Variants in CRY1 observed in about 807,000 individuals in gnomAD.
The protein encoded by CRY1 is cryptochrome-1.
CRY1 carries 45 observed loss-of-function variants against 76.0 expected under a neutral mutation model. The ratio of observed to expected loss-of-function variants is 0.59; its 90% confidence interval spans 0.47 to 0.76. The LOEUF (loss-of-function observed/expected upper bound fraction) is 0.76, where lower values mean the gene tolerates loss of function less well. Among genes scored for constraint, CRY1 ranks in the 30% least tolerant of loss-of-function variants. CRY1 has a pLI of 0.00. For synonymous variants in CRY1, 248 were observed against 244.0 expected (o/e 1.02, Z -0.15); for missense variants, 587 against 716.4 (o/e 0.82, Z 2.06).
At position 106,997,404 on chromosome 12, in the gene CRY1, T is replaced by G. The variant is rs775212261; in HGVS notation, c.1493-18A>C. The G allele has an allele frequency of 6.2e-6, 10 of 1,612,382 alleles. No homozygotes were observed. In the African/African-American group the frequency reaches 1.1e-4, roughly 17 times the overall value. ...CAGAAGACCTAAAGGACAAAAAAAT[T>G]TTCTTTTAAATTATGATCAAGATAA... On this transcript the variant is annotated intron_variant, in intron 9 of 12. Transcript: ENST00000008527.
chr12:107,019,198 A>G (rs189617183), intron 2 of CRY1, among the ~76,000 whole-genome samples: 12 of 152,202 alleles, frequency 7.9e-5, no homozygotes, highest in Non-Finnish European at 1.8e-4. Context: ...CATGCTTTTA[A>G]TTGTATATCC....
At chr12:107,027,927 T>C (rs1019609765) in intron 1 of CRY1, among the ~76,000 whole-genome samples, 9 of 152,310 alleles carry the variant, frequency 5.9e-5, no homozygotes, top group South Asian at 2.1e-4. Context: ...ATTAAGAACA[T>C]GTACCATGCC....
intron 2 of CRY1, among the ~76,000 whole-genome samples, chr12:107,010,438 A>C (rs1478323313): frequency 6.6e-6 from 1 of 152,146 alleles, no homozygotes; most frequent in Non-Finnish European, 1.5e-5. Flanking sequence ...CACTTCTCAG[A>C]TATTGTGCAT....
intron 10 of CRY1, among the ~76,000 whole-genome samples, chr12:106,993,829 A>T (rs983152642): frequency 6.6e-6 from 1 of 152,166 alleles, no homozygotes; most frequent in African/African-American, 2.4e-5. Context: ...ATGAACTGAT[A>T]TTTTACAATA....
At chr12:107,014,981 G>A (rs1952484176) in intron 2 of CRY1, among the ~76,000 whole-genome samples, 1 of 152,106 alleles carries the variant, frequency 6.6e-6, no homozygotes, top group Non-Finnish European at 1.5e-5. Context: ...GGGTTCAAGT[G>A]TTTCTCCTGC....
At chr12:107,080,757 A>G (rs563296044) in intron 1 of CRY1, among the ~76,000 whole-genome samples, 4 of 152,122 alleles carry the variant, frequency 2.6e-5, no homozygotes, top group Non-Finnish European at 5.9e-5. Context: ...GAAGCCGGAC[A>G]TGCCTTAGTT....
intron 1 of CRY1, among the ~76,000 whole-genome samples, chr12:107,091,245 C>T (rs551692704): frequency 1.3e-5 from 2 of 152,170 alleles, no homozygotes; most frequent in South Asian, 4.2e-4. Flanking sequence ...AGGGTTTTGC[C>T]ACGATGGCCA....
intron 1 of CRY1, among the ~76,000 whole-genome samples, chr12:107,046,706 C>T (rs898149974): frequency 1.3e-5 from 2 of 152,006 alleles, no homozygotes; most frequent in African/African-American, 4.8e-5. Flanking sequence ...ATATTCCACA[C>T]AAACAAAAAC....
chr12:107,001,848 T>A lies in CRY1; in HGVS notation c.511A>T (p.Thr171Ser). The A allele has an allele frequency of 1.3e-6, 2 of 1,595,504 alleles. No homozygotes were observed. The highest frequency in any genetic ancestry group is 1.7e-6 in the Non-Finnish European group (2 of 1,175,806). ...GTGCACTTTTCTATCACTTCTGAAG[T>A]AATTGTCTCTACTGGTATCTCTAGT... ...EPLEIPVETI[T>S]SEVIEKCTTP... The change falls in exon 4 of 13, where the codon ACT becomes TCT. Residue 171 changes from threonine to serine, a missense_variant. Thr to Ser is a moderately conservative substitution (Grantham distance 58). Transcript: ENST00000008527.
intron 1 of CRY1, among the ~76,000 whole-genome samples, chr12:107,032,241 T>C (rs1029755615): frequency 4.6e-5 from 7 of 151,524 alleles, no homozygotes; most frequent in African/African-American, 1.4e-4. Context: ...GCCAGTACTA[T>C]GGTTTCTTAG....
chr12:107,075,632 A>C (rs1953243324), intron 1 of CRY1, among the ~76,000 whole-genome samples: 1 of 152,196 alleles, frequency 6.6e-6, no homozygotes, highest in South Asian at 2.1e-4. Flanking sequence ...ACACAAGGAC[A>C]TACTGACACC....
In CRY1 at chr12:107,031,242, A is replaced by G. The variant is rs536632713; in HGVS notation, c.159-9050T>C. 6.6e-5 allele frequency among the ~76,000 whole-genome samples: 10 copies of G among 152,260 alleles called. No homozygotes were observed. In the East Asian group the frequency reaches 1.9e-3, roughly 29 times the overall value. The stretch of plus-strand genomic sequence containing the variant: ...TGGGGATTTCTGCAGAGCCCTGAGA[A>G]CTCTGAGCTTCATCTGGGTTGAAGA... On this transcript the variant is annotated intron_variant, in intron 1 of 12. Transcript: ENST00000008527.
chr12:107,070,855 C>T (rs1035013716), intron 1 of CRY1, among the ~76,000 whole-genome samples: 2 of 139,676 alleles, frequency 1.4e-5, no homozygotes, highest in East Asian at 4.4e-4. Flanking sequence ...CACCTGCCAC[C>T]ATGCCTGGCT....
At chr12:107,040,262 CT>C in intron 1 of CRY1, among the ~76,000 whole-genome samples, 1 of 144,064 alleles carries the variant, frequency 6.9e-6, no homozygotes, top group East Asian at 2.1e-4. Flanking sequence ...GAGATGAATA[CT>C]TTCTTTCCTT....
At chr12:107,086,062 G>C (rs1953397078) in intron 1 of CRY1, among the ~76,000 whole-genome samples, 1 of 151,998 alleles carries the variant, frequency 6.6e-6, no homozygotes, top group Non-Finnish European at 1.5e-5. Flanking sequence ...TGTTATGCTT[G>C]TTAACAAAAA....
intron 1 of CRY1, among the ~76,000 whole-genome samples, chr12:107,030,366 T>C (rs1952661796): frequency 6.6e-6 from 1 of 152,204 alleles, no homozygotes; most frequent in Non-Finnish European, 1.5e-5. Context: ...GAAAATTTAA[T>C]CTGGATGTCT....
intron 3 of CRY1, among the ~76,000 whole-genome samples, chr12:107,004,216 G>A (rs1019935966): frequency 3.3e-5 from 5 of 152,212 alleles, no homozygotes; most frequent in Admixed American, 1.3e-4. Context: ...TGGTGAGCTC[G>A]AAGGCAAGAT....
Position 106,999,855 on chromosome 12 carries a change from T to C in CRY1, c.833A>G (p.Lys278Arg). Reference protein sequence around the residue: ...KLTDLYKKVKKNSSPPLSLYG... With the variant: ...KLTDLYKKVKRNSSPPLSLYG... ...AAGGGAAAGGGGAGGGGAACTGTTC[T>C]TCTTTACCTATGGTTAAAAAGCAAA... Residue 278 changes from lysine (K) to arginine (R), a missense_variant, in exon 7 of 13, where the codon AAG (lysine) becomes AGG (arginine). By Grantham distance (26) the Lys-to-Arg change is conservative (BLOSUM62 2). Coordinates refer to ENST00000008527, the MANE Select transcript of CRY1 (RefSeq NM_004075.5). 6.2e-7 allele frequency: 1 copy of C among 1,606,538 alleles called. No individual in the cohort carries two copies. Among genetic ancestry groups the C allele is most frequent in the Non-Finnish European group, 8.5e-7 (1 of 1,177,428 alleles).
rs575093808 is a variant in CRY1, at chr12:106,999,952, A to G, written c.815T>C (p.Leu272Pro). 2 of 1,605,426 alleles carry G rather than the reference A, an allele frequency of 1.2e-6. No homozygotes were observed. Among genetic ancestry groups the G allele is most frequent in the South Asian group, 2.3e-5 (2 of 88,408 alleles). The stretch of plus-strand genomic sequence containing the variant: ...AATTTTAGAGAATACCTTTTTGTAG[A>G]GATCTGTTAGTTTGAAGTAAAACAG... ...CRLFYFKLTD[L>P]YKKVKKNSSP... Residue 272 changes from leucine (L) to proline (P), a missense_variant, in exon 6 of 13, where the codon CTC becomes CCC. Transcript: ENST00000008527.
Sources: gnomAD v4.1 joint callset for allele counts (sites outside exome capture counted in the v4.1 genomes callset) on GRCh38, gnomAD v4.1.1 for gene constraint, MANE v1.5 for transcripts, NCBI Gene and HGNC (gene_info 2026-07-23, HGNC 2026-07-21) for gene names.